SLC38A6: variants seen among roughly 807,000 people sequenced by gnomAD.
SLC38A6 encodes N system amino acid transporter NAT-1.
Under a neutral mutation model 65.0 loss-of-function variants are expected in SLC38A6, and 73 were observed. That is an observed-to-expected ratio of 1.12 (90% confidence interval 0.93 to 1.37). The LOEUF is 1.37. Among genes scored for constraint, SLC38A6 ranks in the 40% most tolerant of loss-of-function variants. The pLI is 0.00. For missense variants in SLC38A6, 561 were observed against 531.1 expected (o/e 1.06, Z -0.55); for synonymous variants, 183 against 178.8 (o/e 1.02, Z -0.19).
chr14:61,079,279 G>A (rs1390047580), intron 16 of SLC38A6, among the ~76,000 whole-genome samples: 1 of 151,422 alleles, frequency 6.6e-6, no homozygotes, highest in Non-Finnish European at 1.5e-5. Context: ...TGGGATTACA[G>A]GCACACACTA....
intron 3 of SLC38A6, among the ~76,000 whole-genome samples, chr14:61,011,260 T>C (rs911829078): frequency 6.6e-6 from 1 of 152,220 alleles, no homozygotes; most frequent in Non-Finnish European, 1.5e-5. Flanking sequence ...AAGTTGCCTA[T>C]CAGCTTAAGG....
In SLC38A6 at chr14:61,051,905, A is replaced by T; in HGVS notation, c.1169A>T (p.Asp390Val). The change falls in exon 14 of 16, where the codon GAC becomes GTC. Residue 390 changes from aspartate to valine, a missense_variant. By Grantham distance (152) the Asp-to-Val change is radical. Transcript: ENST00000267488. The stretch of plus-strand genomic sequence containing the variant: ...GTTTTACTTGCAATATATGTTCCTG[A>T]CATTAGAAATGTATTTGGTGTAGTT... ...IIVLLAIYVPDIRNVFGVVGA... is the reference protein window; with the variant it reads ...IIVLLAIYVPVIRNVFGVVGA... The T allele has an allele frequency of 1.2e-6, 2 of 1,610,912 alleles. No individual in the cohort carries two copies. The highest frequency in any genetic ancestry group is 2.2e-5 in the East Asian group (1 of 44,726).
At chr14:60,990,913 C>A (rs2037834536) in intron 3 of SLC38A6, among the ~76,000 whole-genome samples, 1 of 152,122 alleles carries the variant, frequency 6.6e-6, no homozygotes, top group South Asian at 2.1e-4. Flanking sequence ...CCAACACCAG[C>A]TCAAGCAATC....
intron 3 of SLC38A6, among the ~76,000 whole-genome samples, chr14:60,986,742 T>A (rs1180692614): frequency 6.6e-6 from 1 of 152,260 alleles, no homozygotes; most frequent in African/African-American, 2.4e-5. Context: ...TTTAACATCT[T>A]GGTAGATTCT....
chr14:61,063,854 C>G lies in SLC38A6; in HGVS notation c.1290+11719C>G, dbSNP rs77823198. ...TCACATCTGTAAAATGGAGTTAATG[C>G]CTATTATACAGGGTCATATTGATAG... On this transcript the variant is annotated intron_variant, in intron 15 of 16. Transcript: ENST00000354886. Among the ~76,000 whole-genome samples the G allele has an allele frequency of 5.0e-3, 768 of 152,218 alleles. 12 individuals are homozygous for G. Among genetic ancestry groups the G allele is most frequent in the African/African-American group, 0.017 (719 of 41,532 alleles).
At chr14:61,067,615 G>A (rs535880245) in intron 15 of SLC38A6, among the ~76,000 whole-genome samples, 72 of 152,082 alleles carry the variant, frequency 4.7e-4, no homozygotes, top group South Asian at 1.5e-3. Context: ...AAAGCTGCAG[G>A]CCTTTTTTAG....
chr14:60,995,011 A>G (rs868787876), intron 3 of SLC38A6, among the ~76,000 whole-genome samples: 1 of 151,526 alleles, frequency 6.6e-6, no homozygotes, highest in South Asian at 2.1e-4. Flanking sequence ...CTCAAAAAAA[A>G]AAAAAAAAAA....
At chr14:60,984,490 TAAAAAAGTTTGG>T (rs2037306465) in intron 2 of SLC38A6, among the ~76,000 whole-genome samples, 67 of 151,990 alleles carry the variant, frequency 4.4e-4, no homozygotes, top group African/African-American at 1.4e-3. Context: ...CTTGTATTTT[TAAAAAAGTTTGG>T]TTTTTATTTT....
At chr14:61,078,765 T>C (rs1474999364) in intron 15 of SLC38A6, 1 of 179,574 alleles carries the variant, frequency 5.6e-6, no homozygotes, top group East Asian at 1.7e-4. Flanking sequence ...TATTTATTTT[T>C]ATTTTTTATT....
chr14:61,007,167 C>T (rs1323190036), intron 3 of SLC38A6, among the ~76,000 whole-genome samples: 6 of 151,908 alleles, frequency 3.9e-5, no homozygotes, highest in Non-Finnish European at 7.4e-5. Context: ...ACTCTGAGGA[C>T]TGTTGTGGGG....
intron 15 of SLC38A6, among the ~76,000 whole-genome samples, chr14:61,073,419 G>A (rs1053713072): frequency 2.6e-5 from 4 of 151,950 alleles, no homozygotes; most frequent in African/African-American, 9.7e-5. Context: ...CCATTACATT[G>A]GCAATTAAAT....
chr14:61,021,817 A>G (rs1047248304), intron 5 of SLC38A6, among the ~76,000 whole-genome samples: 8 of 152,170 alleles, frequency 5.3e-5, no homozygotes, highest in Non-Finnish European at 1.2e-4. Flanking sequence ...ACATATTTTC[A>G]GAGTTTTTTC....
intron 6 of SLC38A6, among the ~76,000 whole-genome samples, chr14:61,033,020 A>T (rs915258565): frequency 1.3e-5 from 2 of 151,968 alleles, no homozygotes; most frequent in African/African-American, 4.8e-5. Flanking sequence ...TAATACTTAT[A>T]CTGAACTTTC....
chr14:61,031,857 T>C (rs1021414483), intron 6 of SLC38A6, among the ~76,000 whole-genome samples: 6 of 151,940 alleles, frequency 3.9e-5, no homozygotes, highest in African/African-American at 2.4e-5. Flanking sequence ...TAAGGAGATA[T>C]GTGTTCTATC....
At chr14:60,990,774 A>G (rs1441699756) in intron 3 of SLC38A6, among the ~76,000 whole-genome samples, 2 of 152,028 alleles carry the variant, frequency 1.3e-5, no homozygotes, top group Admixed American at 6.6e-5. Context: ...ATCACCATGC[A>G]CGTCACCACA....
intron 15 of SLC38A6, among the ~76,000 whole-genome samples, chr14:61,073,330 T>C (rs926463144): frequency 1.3e-5 from 2 of 152,196 alleles, no homozygotes; most frequent in Non-Finnish European, 2.9e-5. Context: ...TGAAAGCACT[T>C]TTATTATGAT....
At chr14:60,982,736 CTAGT>C in intron 2 of SLC38A6, 98 bp downstream of exon 2, 5 of 1,331,196 alleles carry the variant, frequency 3.8e-6, no homozygotes, top group Non-Finnish European at 5.1e-6. Context: ...TATACAATTT[CTAGT>C]TAGTTATTTC....
At chr14:60,987,113 T>C in intron 3 of SLC38A6, 2 of 383,838 alleles carry the variant, frequency 5.2e-6, no homozygotes, top group Admixed American at 3.5e-5. Flanking sequence ...TCACCTGTCT[T>C]CCGTTGATTG....
intron 3 of SLC38A6, among the ~76,000 whole-genome samples, chr14:61,011,557 C>A (rs563611682): frequency 7.2e-5 from 11 of 152,266 alleles, no homozygotes; most frequent in African/African-American, 2.2e-4. Context: ...TACGTCCCAT[C>A]AATACCTAAT....
Sources: allele counts gnomAD v4.1 joint callset (sites outside exome capture counted in the v4.1 genomes callset), GRCh38; gene constraint gnomAD v4.1.1; transcripts MANE v1.5; gene names NCBI Gene and HGNC (gene_info 2026-07-23, HGNC 2026-07-21).